The following TCF20 variants were observed in gnomAD, a reference collection of about 807,000 sequenced individuals.
TCF20 encodes the protein SPRE-binding protein.
TCF20 carries 3 observed loss-of-function variants against 148.6 expected under a neutral mutation model. The observed-to-expected ratio is 0.02, with a 90% CI of 0.01 to 0.05. The LOEUF is 0.05. Among genes scored for constraint, TCF20 ranks in the 10% least tolerant of loss-of-function variants. TCF20 has a pLI of 1.00. For synonymous variants in TCF20, 1,049 were observed against 909.5 expected (o/e 1.15, Z -2.76); for missense variants, 2,350 against 2,429.3 (o/e 0.97, Z 0.69).
chr22:42,233,068 G>C (rs984051468), intron 1 of TCF20, among the ~76,000 whole-genome samples: 1 of 151,952 alleles, frequency 6.6e-6, no homozygotes, highest in Non-Finnish European at 1.5e-5. Flanking sequence ...TTACAGGCTT[G>C]TGCCACAATA....
intron 2 of TCF20, among the ~76,000 whole-genome samples, chr22:42,189,734 T>C (rs1230297797): frequency 6.6e-6 from 1 of 152,204 alleles, no homozygotes; most frequent in Non-Finnish European, 1.5e-5. Flanking sequence ...ATTTTACTTC[T>C]CCTAAAGTAG....
chr22:42,283,756 C>G (rs1276564707), intron 1 of TCF20, among the ~76,000 whole-genome samples: 2 of 151,652 alleles, frequency 1.3e-5, no homozygotes, highest in Non-Finnish European at 2.9e-5. Flanking sequence ...CGGCGGAGCA[C>G]CCGGCGGGCA....
chr22:42,338,607 G>C lies in TCF20; in HGVS notation c.-37+4872C>G, dbSNP rs982026749. ...AGAGGCTTAATGAAACTGCTAACGC[G>C]TTAGTGATTCCTGCCTGCTCGGGAA... is the stretch of plus-strand genomic sequence containing the variant. On this transcript the variant is annotated intron_variant, in intron 1 of 1. Transcript: ENST00000515426. This position sits in a 1 kb window ranked among gnomAD's most constrained non-coding sequence, Gnocchi z 4.0. 6.6e-6 allele frequency among the ~76,000 whole-genome samples: 1 copy of C among 152,222 alleles called. No individual in the cohort carries two copies. Among genetic ancestry groups the C allele is most frequent in the Non-Finnish European group, 1.5e-5 (1 of 68,044 alleles).
At chr22:42,226,954 T>C (rs978170388) in intron 1 of TCF20, among the ~76,000 whole-genome samples, 1 of 152,140 alleles carries the variant, frequency 6.6e-6, no homozygotes, top group Non-Finnish European at 1.5e-5. Flanking sequence ...AAAATTCTAA[T>C]AGGTTCCAGT....
chr22:42,302,847 G>A (rs899151458), intron 1 of TCF20, among the ~76,000 whole-genome samples: 1 of 152,198 alleles, frequency 6.6e-6, no homozygotes, highest in Admixed American at 6.5e-5. Context: ...GACCCCGTCA[G>A]GTTCAACCAG....
chr22:42,177,799 T>A (rs1373743981), intron 3 of TCF20, among the ~76,000 whole-genome samples: 1 of 152,128 alleles, frequency 6.6e-6, no homozygotes, highest in Non-Finnish European at 1.5e-5. Context: ...CAATTAGGGG[T>A]GCTAGGAGCA....
chr22:42,291,736 C>T (rs1361270727), intron 1 of TCF20, among the ~76,000 whole-genome samples: 2 of 151,980 alleles, frequency 1.3e-5, no homozygotes, highest in Non-Finnish European at 2.9e-5. Context: ...CTAGCCCAGG[C>T]TGGGCAAAGG....
At chr22:42,258,974 C>G (rs1925890858) in intron 1 of TCF20, among the ~76,000 whole-genome samples, 1 of 152,196 alleles carries the variant, frequency 6.6e-6, no homozygotes, top group Non-Finnish European at 1.5e-5. Flanking sequence ...AATTTACTGT[C>G]TTCACTTCAC....
intron 1 of TCF20, among the ~76,000 whole-genome samples, chr22:42,222,874 C>G (rs544967627): frequency 6.6e-6 from 1 of 152,122 alleles, no homozygotes; most frequent in South Asian, 2.1e-4. Context: ...AATTGCTGGC[C>G]GGCCACAGTG....
intron 3 of TCF20, among the ~76,000 whole-genome samples, chr22:42,171,236 G>T (rs1226574561): frequency 1.3e-5 from 2 of 152,174 alleles, no homozygotes; most frequent in African/African-American, 4.8e-5. Flanking sequence ...GCAAAACGCG[G>T]TGGCAGAATG....
rs1921507543 is a variant in TCF20, at chr22:42,214,682, T to A, written c.624A>T (p.Leu208=). 6.2e-7 allele frequency: 1 copy of A among 1,614,140 alleles called. No homozygotes were observed. The highest frequency in any genetic ancestry group is 1.7e-5 in the Admixed American group (1 of 60,004). The change falls in exon 2 of 6, where the codon CTA becomes CTT. Residue 208 remains leucine (L), a synonymous_variant. Coordinates refer to ENST00000677622, the MANE Select transcript of TCF20 (RefSeq NM_001378418.1). ...TGQPASSSSH[L]QPMQRPSTLP... is the part of the protein sequence containing the mutation. The stretch of plus-strand genomic sequence containing the variant: ...GAGTTGAGGGCCGCTGCATTGGCTG[T>A]AGATGGGATGAGCTGGATGCTGGTT...
chr22:42,217,235 T>C (rs964694187), intron 1 of TCF20, among the ~76,000 whole-genome samples: 1 of 152,180 alleles, frequency 6.6e-6, no homozygotes, highest in Admixed American at 6.5e-5. Flanking sequence ...AGCCCCACAG[T>C]TGCCTTGTTC....
At chr22:42,267,236 C>T (rs112016919) in intron 1 of TCF20, among the ~76,000 whole-genome samples, 5,829 of 152,212 alleles carry the variant, frequency 0.038, 375 homozygotes, top group African/African-American at 0.13. Flanking sequence ...CACTGCACTC[C>T]CAGCTGGGCA....
chr22:42,260,965 A>G (rs149296970), intron 1 of TCF20, among the ~76,000 whole-genome samples: 1 of 152,302 alleles, frequency 6.6e-6, no homozygotes, highest in African/African-American at 2.4e-5. Flanking sequence ...GCCTATCAAG[A>G]CCTAACCATT....
At chr22:42,192,891 AAT>A (rs1937407734) in intron 2 of TCF20, among the ~76,000 whole-genome samples, 1 of 152,202 alleles carries the variant, frequency 6.6e-6, no homozygotes, top group Non-Finnish European at 1.5e-5. Flanking sequence ...CAGTTTTCAG[AAT>A]TGATTTTTGC....
rs1262143079 is a variant in TCF20, at chr22:42,211,728, C to G, written c.3578G>C (p.Arg1193Pro). 6.2e-7 allele frequency: 1 copy of G among 1,613,976 alleles called. No homozygotes were observed. The highest frequency in any genetic ancestry group is 8.5e-7 in the Non-Finnish European group (1 of 1,180,034). ...KLQESCWDLS[R>P]QTSPAKSSGP... The stretch of plus-strand genomic sequence containing the variant: ...GCTGCTTTTGGCTGGAGAAGTTTGC[C>G]GAGAAAGATCCCAACAGGATTCTTG... The change falls in exon 2 of 6, where the codon CGG becomes CCG. Residue 1193 changes from arginine (R) to proline (P), a missense_variant. Arg to Pro is a moderately radical substitution (Grantham distance 103, BLOSUM62 -2). Around this residue, in one of 7 missense-constraint regions of TCF20, gnomAD observed 1,641 missense variants for 1,662.6 expected, o/e 0.99. Coordinates refer to ENST00000677622, the MANE Select transcript of TCF20 (RefSeq NM_001378418.1).
rs950172304 is a variant in TCF20 at position 42,317,622 on chromosome 22, C to T, written c.-37+25857G>A. On this transcript the variant is annotated intron_variant, in intron 1 of 1. Coordinates refer to the TCF20 transcript ENST00000515426. The surrounding 1 kb of genome is among the most constrained non-coding windows in gnomAD (Gnocchi z 4.2). ...CCAAGGCAGCACCCTCAGAGGAGGG[C>T]TCTGCTCCTGCATTCCCGCTGGGGG... is the stretch of plus-strand genomic sequence containing the variant. Among the ~76,000 whole-genome samples the T allele has an allele frequency of 6.7e-6, 1 of 149,768 alleles. No homozygotes were observed. Among genetic ancestry groups the T allele is most frequent in the South Asian group, 2.1e-4 (1 of 4,700 alleles).
chr22:42,222,337 CTCA>C (rs1386093474), intron 1 of TCF20, among the ~76,000 whole-genome samples: 2 of 152,176 alleles, frequency 1.3e-5, no homozygotes, highest in Non-Finnish European at 2.9e-5. Flanking sequence ...ACCATGCTAC[CTCA>C]TCATGACACT....
At chr22:42,191,539 T>C (rs1211204397) in intron 2 of TCF20, among the ~76,000 whole-genome samples, 1 of 152,190 alleles carries the variant, frequency 6.6e-6, no homozygotes, top group Non-Finnish European at 1.5e-5. Flanking sequence ...TCCACCCTCC[T>C]CGGCCTCCCA....
Sources: allele counts gnomAD v4.1 joint callset (sites outside exome capture counted in the v4.1 genomes callset), GRCh38; gene constraint gnomAD v4.1.1; regional missense constraint gnomAD v4.1.1; non-coding constraint Gnocchi (gnomAD v3.1); transcripts MANE v1.5; gene names NCBI Gene and HGNC (gene_info 2026-07-23, HGNC 2026-07-21).